Variants in GTPBP1 observed in about 807,000 individuals in gnomAD.
GTPBP1 encodes the protein GTP-binding protein 1.
Under a neutral mutation model 62.0 loss-of-function variants are expected in GTPBP1, and 23 were observed. That is an observed-to-expected ratio of 0.37 (90% CI 0.27 to 0.53). The LOEUF is 0.53. Among genes scored for constraint, GTPBP1 ranks in the 20% least tolerant of loss-of-function variants. The pLI is 0.89. For synonymous variants in GTPBP1, 344 were observed against 364.4 expected, an observed-to-expected ratio of 0.94 and a Z score of 0.64; for missense variants, 640 against 917.3, an observed-to-expected ratio of 0.70 and a Z score of 3.90.
downstream of GTPBP1, chr22:38,742,201 G>T: frequency 7.0e-7 from 1 of 1,429,986 alleles, no homozygotes. Flanking sequence ...TGGCAGAGCT[G>T]TCTGATCCCA....
At chr22:38,734,662 A>C (rs2145904866), downstream of GTPBP1, 1 of 200,190 alleles carries the variant, frequency 5.0e-6, no homozygotes, top group African/African-American at 2.4e-5. Context: ...CCAAGAATTC[A>C]TTCCCTCATC....
chr22:38,730,997 CTG>C lies in GTPBP1; in HGVS notation c.*295_*296del. On this transcript the variant is annotated 3_prime_UTR_variant, in exon 12 of 12. Coordinates refer to ENST00000216044, the MANE Select transcript of GTPBP1 (RefSeq NM_004286.5). The surrounding 1 kb of genome is among the most constrained non-coding windows in gnomAD (Gnocchi z 5.6). ...TTTTTATTCTGTTTATTATATGTCT[CTG>C]TCTCTCTCTATTGTGTGTGTGTGTG... The C allele has an allele frequency of 2.6e-6, 1 of 389,264 alleles. No individual in the cohort carries two copies. Among genetic ancestry groups the C allele is most frequent in the Non-Finnish European group, 4.5e-6 (1 of 221,452 alleles). The allele number at this position is 389,264 out of a possible 1,614,324, so 24.1% of individuals were successfully genotyped here.
At chr22:38,713,799 T>G (rs2092653617) in intron 2 of GTPBP1, among the ~76,000 whole-genome samples, 2 of 152,192 alleles carry the variant, frequency 1.3e-5, no homozygotes, top group Admixed American at 1.3e-4. Flanking sequence ...GTGCTGTTGT[T>G]TAAAAGAGGG....
downstream of GTPBP1, chr22:38,738,630 G>C (rs1490324925): frequency 2.5e-5 from 40 of 1,613,886 alleles, no homozygotes; most frequent in Non-Finnish European, 3.2e-5. The surrounding 1 kb of genome is among the most constrained non-coding windows in gnomAD (Gnocchi z 6.6). Flanking sequence ...AGTGCTGTTG[G>C]GTGACAAGGC....
chr22:38,718,921 A>G (rs1342549981), intron 4 of GTPBP1, among the ~76,000 whole-genome samples: 1 of 152,276 alleles, frequency 6.6e-6, no homozygotes, highest in East Asian at 1.9e-4. Context: ...CCATAAATCC[A>G]CCACTTAGAT....
chr22:38,723,322 A>G (rs1416924919), intron 5 of GTPBP1: 11 of 833,994 alleles, frequency 1.3e-5, no homozygotes, highest in East Asian at 2.4e-5. Context: ...CAGCAGGTGC[A>G]TGGTATGAGG....
Position 38,728,008 on chromosome 22 carries a change from A to G in GTPBP1, c.1563A>G (p.Thr521=). ...AMVHCGSIRQ[T]ATILSMDKDC... ...TGCACTGTGGGAGCATCAGGCAGAC[A>G]GCCACCATTCTGAGCATGGACAAGG... is the stretch of plus-strand genomic sequence containing the variant. Residue 521 remains threonine (T), a synonymous_variant, in exon 10 of 12, where the codon ACA becomes ACG. Coordinates refer to ENST00000216044, the MANE Select transcript of GTPBP1 (RefSeq NM_004286.5). 1 of 1,614,022 alleles carries G rather than the reference A, an allele frequency of 6.2e-7. No individual in the cohort carries two copies.
chr22:38,739,296 T>C, downstream of GTPBP1: 2 of 1,594,388 alleles, frequency 1.3e-6, no homozygotes, highest in East Asian at 4.5e-5. This position sits in a 1 kb window ranked among gnomAD's most constrained non-coding sequence, Gnocchi z 6.7. Context: ...GGACCGGCCA[T>C]TGCGGGGTCC....
downstream of GTPBP1, chr22:38,739,077 G>T: frequency 7.7e-7 from 1 of 1,301,386 alleles, no homozygotes; most frequent in Non-Finnish European, 1.1e-6. This position sits in a 1 kb window ranked among gnomAD's most constrained non-coding sequence, Gnocchi z 6.7. Context: ...GAAGGTGGAC[G>T]GCAGATGCCC....
chr22:38,724,446 C>T (rs747075452), intron 6 of GTPBP1, 35 bp downstream of exon 6: 3 of 1,261,882 alleles, frequency 2.4e-6, no homozygotes, highest in African/African-American at 2.9e-5. Context: ...CAGACAGGCA[C>T]CCTTGCAGGC....
Position 38,706,023 on chromosome 22 carries a change from C to A in GTPBP1, c.68C>A (p.Pro23His). Residue 23 changes from proline to histidine, a missense_variant, in exon 1 of 12, where the codon CCC (proline) becomes CAC (histidine). By Grantham distance (77) the Pro-to-His change is moderately conservative. This residue lies in a region of GTPBP1 where 215 missense variants were observed against 235.1 expected (regional missense o/e 0.91). Transcript: ENST00000216044. ...CCGGCCTCTATGTTCGCCCCCGAGC[C>A]CAGCTCCCCGGGGGCGGCCAGGGCC... is the stretch of plus-strand genomic sequence containing the variant. Reference protein sequence around the residue: ...PVPASMFAPEPSSPGAARAAA... With the variant: ...PVPASMFAPEHSSPGAARAAA... 7.0e-7 allele frequency: 1 copy of A among 1,424,502 alleles called. No individual in the cohort carries two copies. Among genetic ancestry groups the A allele is most frequent in the Non-Finnish European group, 9.2e-7 (1 of 1,089,426 alleles). The allele number at this position is 1,424,502 out of a possible 1,614,324, so 88.2% of individuals were successfully genotyped here.
Position 38,728,068 on chromosome 22 carries a change from C to A in GTPBP1, c.1623C>A (p.His541Gln). Reference sequence around the variant, plus strand: ...GCACTGGGGACAAGGCCACTGTACACTTCCGCTTCATCAAGACCCCTGAGT... The same window carrying A: ...GCACTGGGGACAAGGCCACTGTACAATTCCGCTTCATCAAGACCCCTGAGT... ...CLRTGDKATVHFRFIKTPEYL... is the reference protein window; with the variant it reads ...CLRTGDKATVQFRFIKTPEYL... Residue 541 changes from histidine (H) to glutamine (Q), a missense_variant, in exon 10 of 12, where the codon CAC (histidine) becomes CAA (glutamine). Physicochemically the swap from His to Gln is conservative, Grantham distance 24 (BLOSUM62 0). Transcript: ENST00000216044. 1 of 1,613,016 alleles carries A rather than the reference C, an allele frequency of 6.2e-7. No homozygotes were observed. Among genetic ancestry groups the A allele is most frequent in the African/African-American group, 1.3e-5 (1 of 75,010 alleles).
Position 38,733,154 on chromosome 22 carries a change from C to T in GTPBP1, c.*2450C>T, listed in dbSNP as rs929042831. On this transcript the variant is annotated 3_prime_UTR_variant, in exon 12 of 12. Transcript: ENST00000216044. ...GTCTCTTGGCTGCTTCACTCCTGCT[C>T]TTTGTCCCGACTCTGGCCCTGCTTA... 6.6e-6 allele frequency: 1 copy of T among 152,314 alleles called. No individual in the cohort carries two copies. The highest frequency in any genetic ancestry group is 1.5e-5 in the Non-Finnish European group (1 of 68,086). 9.4% of individuals were successfully genotyped at this position (152,314 alleles called of 1,614,324 possible).
Position 38,728,054 on chromosome 22 carries a change from A to G in GTPBP1, c.1609A>G (p.Lys537Glu). 1.2e-6 allele frequency: 2 copies of G among 1,613,102 alleles called. No homozygotes were observed. The highest frequency in any genetic ancestry group is 1.1e-5 in the South Asian group (1 of 91,072). The change falls in exon 10 of 12, where the codon AAG becomes GAG. Residue 537 changes from lysine (K) to glutamate (E), a missense_variant. By Grantham distance (56) the Lys-to-Glu change is moderately conservative (BLOSUM62 1). Coordinates refer to ENST00000216044, the MANE Select transcript of GTPBP1 (RefSeq NM_004286.5). ...CAAGGACTGTCTGCGCACTGGGGACAAGGCCACTGTACACTTCCGCTTCAT... is the reference window on the plus strand; with the variant it reads ...CAAGGACTGTCTGCGCACTGGGGACGAGGCCACTGTACACTTCCGCTTCAT... ...MDKDCLRTGDKATVHFRFIKT... is the reference protein window; with the variant it reads ...MDKDCLRTGDEATVHFRFIKT...
chr22:38,727,147 T>C lies in GTPBP1; in HGVS notation c.1402-66T>C. On this transcript the variant is annotated intron_variant, in intron 8 of 11. Coordinates refer to ENST00000216044, the MANE Select transcript of GTPBP1 (RefSeq NM_004286.5). This position sits in a 1 kb window ranked among gnomAD's most constrained non-coding sequence, Gnocchi z 6.5. ...TATCCCTAGAAAGACTCTTGGTCCCTGGGACCAGGGGTGAAACCAGAAGGC... is the reference window on the plus strand; with the variant it reads ...TATCCCTAGAAAGACTCTTGGTCCCCGGGACCAGGGGTGAAACCAGAAGGC... 2.1e-6 allele frequency: 3 copies of C among 1,441,960 alleles called. No homozygotes were observed. Among genetic ancestry groups the C allele is most frequent in the Admixed American group, 2.5e-5 (1 of 40,344 alleles). 89.3% of individuals were successfully genotyped at this position (1,441,960 alleles called of 1,614,324 possible).
rs1174441283 is a variant in GTPBP1, at chr22:38,726,533, T to C, written c.1401+93T>C. ...GCTCACCCACTCTAGTCCTCATGGCTGCTCTGCAAGGTCGGGATTACTGGC... is the reference window on the plus strand; with the variant it reads ...GCTCACCCACTCTAGTCCTCATGGCCGCTCTGCAAGGTCGGGATTACTGGC... On this transcript the variant is annotated intron_variant, in intron 8 of 11. Coordinates refer to ENST00000216044, the MANE Select transcript of GTPBP1 (RefSeq NM_004286.5). The surrounding 1 kb of genome is among the most constrained non-coding windows in gnomAD (Gnocchi z 4.1). 3.6e-6 allele frequency: 4 copies of C among 1,099,224 alleles called. No individual in the cohort carries two copies. The highest frequency in any genetic ancestry group is 4.0e-6 in the Non-Finnish European group (3 of 740,948). 68.1% of individuals were successfully genotyped at this position (1,099,224 alleles called of 1,614,324 possible).
At chr22:38,736,319 G>A, downstream of GTPBP1, 1 of 1,614,058 alleles carries the variant, frequency 6.2e-7, no homozygotes, top group Non-Finnish European at 8.5e-7. Context: ...GGTGTACTCG[G>A]GGTGGCCCCA....
rs1320803261 is a variant in GTPBP1, at chr22:38,730,603, C to G, written c.1918-9C>G. On this transcript the variant is annotated splice_polypyrimidine_tract_variant and intron_variant, in intron 11 of 11. Transcript: ENST00000216044. This position sits in a 1 kb window ranked among gnomAD's most constrained non-coding sequence, Gnocchi z 5.6. ...CCAGTGCTTCTCAAGCTCCTTCTCTCTCTTTCAGCCTAAGCCCAGCAGTGG... is the reference window on the plus strand; with the variant it reads ...CCAGTGCTTCTCAAGCTCCTTCTCTGTCTTTCAGCCTAAGCCCAGCAGTGG... The G allele has an allele frequency of 6.3e-7, 1 of 1,588,282 alleles. No individual in the cohort carries two copies. The highest frequency in any genetic ancestry group is 1.7e-5 in the Admixed American group (1 of 60,012).
At position 38,721,881 on chromosome 22, in the gene GTPBP1, A is replaced by AAGGTAAGTGAAGCT; in HGVS notation, c.958+16_958+17insAGGTAAGTGAAGCT. The AAGGTAAGTGAAGCT allele has an allele frequency of 1.9e-6, 3 of 1,558,700 alleles. No individual in the cohort carries two copies. Among genetic ancestry groups the AAGGTAAGTGAAGCT allele is most frequent in the Non-Finnish European group, 2.6e-6 (3 of 1,140,202 alleles). Reference sequence around the variant, plus strand: ...ATCCTGCAAGGTAAGTGAAGCCTCCAGCTAGCAGCAGCCCCTCTGATTGGG... The same window carrying AAGGTAAGTGAAGCT: ...ATCCTGCAAGGTAAGTGAAGCCTCCAAGGTAAGTGAAGCTGCTAGCAGCAGCCCCTCTGATTGGG... On this transcript the variant is annotated intron_variant, in intron 5 of 11. Coordinates refer to ENST00000216044, the MANE Select transcript of GTPBP1 (RefSeq NM_004286.5).
Sources: allele counts gnomAD v4.1 joint callset (sites outside exome capture counted in the v4.1 genomes callset), GRCh38; gene constraint gnomAD v4.1.1; regional missense constraint gnomAD v4.1.1; non-coding constraint Gnocchi (gnomAD v3.1); transcripts MANE v1.5; gene names NCBI Gene and HGNC (gene_info 2026-07-23, HGNC 2026-07-21).